The following SPAG9 variants were observed in gnomAD, a reference collection of about 807,000 sequenced individuals.
SPAG9 encodes sperm associated antigen 9.
Under a neutral mutation model 166.5 loss-of-function variants are expected in SPAG9, and 35 were observed. The observed-to-expected ratio is 0.21, with a 90% CI of 0.16 to 0.28. The LOEUF (loss-of-function observed/expected upper bound fraction) is 0.28, where lower values mean the gene tolerates loss of function less well. Ranked by LOEUF, SPAG9 falls within the 10% of genes least tolerant of loss-of-function variation. The probability of loss-of-function intolerance (pLI) is 1.00; values close to 1 mark genes in which losing one functional copy is unlikely to be tolerated. For missense variants in SPAG9, 1,235 were observed against 1,603.3 expected (o/e 0.77, Z 3.92); for synonymous variants, 534 against 565.5 (o/e 0.94, Z 0.79).
In SPAG9 at chr17:50,974,765, A is replaced by G; in HGVS notation, c.3700+6T>C. 6.3e-7 allele frequency: 1 copy of G among 1,591,914 alleles called. No individual in the cohort carries two copies. Among genetic ancestry groups the G allele is most frequent in the Non-Finnish European group, 8.5e-7 (1 of 1,172,802 alleles). On this transcript the variant is annotated splice_donor_region_variant and intron_variant, in intron 28 of 29. Transcript: ENST00000262013. Reference sequence around the variant, plus strand: ...TGGAACATCTCAACAGAATAATCTAACATACCTGGGACTGCCACAAAGAAT... The same window carrying G: ...TGGAACATCTCAACAGAATAATCTAGCATACCTGGGACTGCCACAAAGAAT...
chr17:51,016,456 G>C (rs979929753), intron 8 of SPAG9, among the ~76,000 whole-genome samples: 4 of 152,206 alleles, frequency 2.6e-5, no homozygotes, highest in Admixed American at 2.6e-4. Context: ...GTAAGCCCTA[G>C]GAAACAGGCA....
Position 50,990,524 on chromosome 17 carries a change from G to A in SPAG9, c.2543C>T (p.Ser848Phe), listed in dbSNP as rs1296993814. The A allele has an allele frequency of 6.2e-7, 1 of 1,614,066 alleles. No individual in the cohort carries two copies. Among genetic ancestry groups the A allele is most frequent in the African/African-American group, 1.3e-5 (1 of 74,914 alleles). The change falls in exon 20 of 30, where the codon TCT becomes TTT. Residue 848 changes from serine (S) to phenylalanine (F), a missense_variant. Transcript: ENST00000262013. ...LLGGITVVGCSAEGVTGAATS... is the reference protein window; with the variant it reads ...LLGGITVVGCFAEGVTGAATS... ...GGCAGCTCCCGTCACACCTTCTGCA[G>A]AACAACCAACCACTGTGATGCCTCC...
intron 4 of SPAG9, among the ~76,000 whole-genome samples, chr17:51,044,615 G>A (rs1035289047): frequency 2.6e-5 from 4 of 152,150 alleles, no homozygotes; most frequent in African/African-American, 4.8e-5. Flanking sequence ...CACTCACCAC[G>A]TGGTGGGTAC....
At chr17:51,062,615 G>C (rs765855637) in intron 2 of SPAG9, among the ~76,000 whole-genome samples, 1 of 152,054 alleles carries the variant, frequency 6.6e-6, no homozygotes, top group African/African-American at 2.4e-5. Context: ...TTTTGAGACA[G>C]AGTCTTGCTC....
Position 51,040,052 on chromosome 17 carries a change from T to C in SPAG9, c.741+1449A>G, listed in dbSNP as rs182092672. On this transcript the variant is annotated intron_variant, in intron 5 of 29. Coordinates refer to ENST00000262013, the MANE Select transcript of SPAG9 (RefSeq NM_001130528.3). Reference sequence around the variant, plus strand: ...GAGTTCGAGGTCAGCCTGACCAACATGGTGAAACTCTGTCTCTATTAAAAA... The same window carrying C: ...GAGTTCGAGGTCAGCCTGACCAACACGGTGAAACTCTGTCTCTATTAAAAA... Among the ~76,000 whole-genome samples, 840 of 151,936 alleles carry C rather than the reference T, an allele frequency of 5.5e-3. 4 individuals carry two copies. Among genetic ancestry groups the C allele is most frequent in the African/African-American group, 0.019 (776 of 41,416 alleles).
At chr17:51,059,068 C>A (rs575481916) in intron 2 of SPAG9, among the ~76,000 whole-genome samples, 1 of 152,248 alleles carries the variant, frequency 6.6e-6, no homozygotes. Flanking sequence ...CGTGAATAAA[C>A]AAATTATTGC....
chr17:51,016,229 T>C (rs1214422267), intron 8 of SPAG9: 1 of 152,130 alleles, frequency 6.6e-6, no homozygotes, highest in South Asian at 2.1e-4. Flanking sequence ...AATTTACTTG[T>C]CATGCACCCT....
chr17:51,073,614 C>T (rs911991576), intron 2 of SPAG9, among the ~76,000 whole-genome samples: 2 of 150,994 alleles, frequency 1.3e-5, no homozygotes, highest in African/African-American at 4.9e-5. Flanking sequence ...AATAATTTCC[C>T]CCCAGAAAAA....
At chr17:51,089,636 A>T (rs1181487964) in intron 1 of SPAG9, among the ~76,000 whole-genome samples, 1 of 77,816 alleles carries the variant, frequency 1.3e-5, no homozygotes, top group Non-Finnish European at 2.4e-5. Context: ...ATATATATAT[A>T]TATATATATA....
intron 25 of SPAG9, among the ~76,000 whole-genome samples, chr17:50,982,071 G>C (rs754224734): frequency 2.6e-4 from 39 of 151,918 alleles, no homozygotes; most frequent in Non-Finnish European, 5.2e-4. Context: ...AGAAAATAAT[G>C]CTAGGAGGTT....
At chr17:51,036,261 T>G (rs1373337777) in intron 5 of SPAG9, among the ~76,000 whole-genome samples, 2 of 152,150 alleles carry the variant, frequency 1.3e-5, no homozygotes, top group Non-Finnish European at 2.9e-5. Context: ...TTTTGAGTAG[T>G]CTACACATGT....
chr17:51,072,604 A>G (rs1032426341), intron 2 of SPAG9, among the ~76,000 whole-genome samples: 3 of 151,856 alleles, frequency 2.0e-5, no homozygotes, highest in Non-Finnish European at 4.4e-5. Context: ...GAATCTCTTG[A>G]ACCTGGGAGG....
At position 50,980,169 on chromosome 17, in the gene SPAG9, A is replaced by G. The variant is rs149051443; in HGVS notation, c.3238-252T>C. On this transcript the variant is annotated intron_variant, in intron 25 of 29. Transcript: ENST00000262013. ...ACAGCAATACTAGCGCATCCACACT[A>G]TGTAACAGTGCTCAACAGAAAGATT... is the stretch of plus-strand genomic sequence containing the variant. Among the ~76,000 whole-genome samples, 609 of 152,140 alleles carry G rather than the reference A, an allele frequency of 4.0e-3. 5 individuals are homozygous for G. Among genetic ancestry groups the G allele is most frequent in the African/African-American group, 0.014 (574 of 41,502 alleles).
At chr17:50,972,960 G>A (rs745924521) in intron 28 of SPAG9, among the ~76,000 whole-genome samples, 11 of 152,150 alleles carry the variant, frequency 7.2e-5, no homozygotes, top group Non-Finnish European at 1.6e-4. Flanking sequence ...CCTTACACAT[G>A]CACACAAGAA....
intron 18 of SPAG9, among the ~76,000 whole-genome samples, chr17:50,994,464 CAGTT>C (rs1975896287): frequency 6.6e-6 from 1 of 152,080 alleles, no homozygotes; most frequent in Admixed American, 6.6e-5. Flanking sequence ...GAAAAACTAG[CAGTT>C]AGGCTGGCAC....
intron 2 of SPAG9, among the ~76,000 whole-genome samples, chr17:51,061,936 C>T (rs771909871): frequency 7.2e-5 from 11 of 152,230 alleles, no homozygotes; most frequent in Admixed American, 6.5e-4. Context: ...ACTATCAATC[C>T]ATTCTCTAAC....
At chr17:50,984,774 C>A in intron 24 of SPAG9, 149 bp downstream of exon 24, 1 of 696,166 alleles carries the variant, frequency 1.4e-6, no homozygotes, top group Non-Finnish European at 2.6e-6. Flanking sequence ...TACCTCCATG[C>A]ACGCACTAAT....
chr17:51,097,196 A>G (rs919747890), intron 1 of SPAG9, among the ~76,000 whole-genome samples: 1 of 152,236 alleles, frequency 6.6e-6, no homozygotes, highest in Non-Finnish European at 1.5e-5. Flanking sequence ...GAGGGCATGG[A>G]AGCTCTGCAC....
intron 1 of SPAG9, among the ~76,000 whole-genome samples, chr17:51,090,432 A>G (rs546438315): frequency 6.6e-6 from 1 of 152,238 alleles, no homozygotes; most frequent in South Asian, 2.1e-4. Flanking sequence ...GAGACAGGAG[A>G]ATTGCTTGAA....
Sources: gnomAD v4.1 joint callset for allele counts (sites outside exome capture counted in the v4.1 genomes callset) on GRCh38, gnomAD v4.1.1 for gene constraint, MANE v1.5 for transcripts, NCBI Gene and HGNC (gene_info 2026-07-23, HGNC 2026-07-21) for gene names.